Variants in CEP97 observed in about 807,000 individuals in gnomAD.
CEP97 encodes the protein centrosomal protein 97.
In CEP97, 43 loss-of-function variants were observed where a neutral mutation model predicts 73.1. That is an observed-to-expected ratio of 0.59 (90% confidence interval 0.46 to 0.76). The LOEUF is 0.76. Ranked by LOEUF, CEP97 falls within the 30% of genes least tolerant of loss-of-function variation. The probability of loss-of-function intolerance (pLI) is 0.00; values close to 1 mark genes in which losing one functional copy is unlikely to be tolerated. For missense variants in CEP97, 939 were observed against 1,014.0 expected, an observed-to-expected ratio of 0.93 and a Z score of 1.00; for synonymous variants, 337 against 370.0, an observed-to-expected ratio of 0.91 and a Z score of 1.02.
chr3:101,725,624 T>G (rs1937857261), intron 1 of CEP97, among the ~76,000 whole-genome samples: 1 of 152,148 alleles, frequency 6.6e-6, no homozygotes, highest in African/African-American at 2.4e-5. Context: ...CCTCACATGC[T>G]AAGAGCCATT....
At chr3:101,753,081 G>A (rs1938886851) in intron 6 of CEP97, among the ~76,000 whole-genome samples, 1 of 152,058 alleles carries the variant, frequency 6.6e-6, no homozygotes, top group South Asian at 2.1e-4. Flanking sequence ...TGGTGTGGAT[G>A]TCCTTTGTGT....
At chr3:101,754,019 C>T (rs544796875) in intron 6 of CEP97, among the ~76,000 whole-genome samples, 2 of 150,686 alleles carry the variant, frequency 1.3e-5, no homozygotes, top group African/African-American at 4.9e-5. Flanking sequence ...AGCTGTAGAC[C>T]GGAGCTGTTC....
intron 6 of CEP97, among the ~76,000 whole-genome samples, chr3:101,741,567 A>G (rs1938452248): frequency 6.6e-6 from 1 of 152,244 alleles, no homozygotes; most frequent in Admixed American, 6.5e-5. Flanking sequence ...AAACAAATTT[A>G]AAAGAAAAAA....
chr3:101,742,679 A>G (rs955296250), intron 6 of CEP97, among the ~76,000 whole-genome samples: 3 of 151,826 alleles, frequency 2.0e-5, no homozygotes, highest in African/African-American at 7.3e-5. Context: ...GCATGCGTAT[A>G]CCTATGTAAT....
chr3:101,762,861 T>G (rs1476804483), intron 10 of CEP97, among the ~76,000 whole-genome samples: 2 of 152,200 alleles, frequency 1.3e-5, no homozygotes, highest in Non-Finnish European at 2.9e-5. Context: ...AATTTGAAAT[T>G]TCATGTAGCT....
chr3:101,751,280 G>C lies in CEP97; in HGVS notation c.729-4150G>C, dbSNP rs575680907. 7.7e-4 allele frequency among the ~76,000 whole-genome samples: 117 copies of C among 152,304 alleles called. 1 individual carries two copies. Among genetic ancestry groups the C allele is most frequent in the African/African-American group, 2.7e-3 (112 of 41,548 alleles). On this transcript the variant is annotated intron_variant, in intron 6 of 10. Coordinates refer to ENST00000341893, the MANE Select transcript of CEP97 (RefSeq NM_024548.4). ...TGATTGCACTGTGGTCTGAGAGACA[G>C]TTTGTTATAATTTCTGTTCTTTTAC...
intron 2 of CEP97, 99 bp from the exon 3 acceptor site, chr3:101,727,282 TGA>T: frequency 2.2e-6 from 2 of 900,208 alleles, no homozygotes; most frequent in Non-Finnish European, 1.7e-6. Flanking sequence ...GGAGTTTGTT[TGA>T]GAGTGTTTGG....
chr3:101,742,071 CA>C (rs1330559559), intron 6 of CEP97, among the ~76,000 whole-genome samples: 2 of 147,466 alleles, frequency 1.4e-5, no homozygotes, highest in African/African-American at 5.0e-5. Context: ...AACAAAAAAA[CA>C]AAAAAAACAG....
chr3:101,746,934 A>G (rs1382763070), intron 6 of CEP97, among the ~76,000 whole-genome samples: 1 of 149,196 alleles, frequency 6.7e-6, no homozygotes, highest in Non-Finnish European at 1.5e-5. Context: ...AAAAATGCTC[A>G]CCATCACTGG....
rs565764573 is a variant in CEP97, at chr3:101,766,356, A to G, written c.*805A>G. ...CTCTCATTAAGTGCTTTTTCACCCT[A>G]TAGGTAAGCATTTTTGTGCCAACAT... On this transcript the variant is annotated 3_prime_UTR_variant, in exon 11 of 11. Coordinates refer to ENST00000341893, the MANE Select transcript of CEP97 (RefSeq NM_024548.4). 1 of 152,690 alleles carries G rather than the reference A, an allele frequency of 6.5e-6. No homozygotes were observed. Among genetic ancestry groups the G allele is most frequent in the Middle Eastern group, 3.4e-3 (1 of 294 alleles). The allele number at this position is 152,690 out of a possible 1,614,324, so 9.5% of individuals were successfully genotyped here.
chr3:101,766,639 A>T lies in CEP97; in HGVS notation c.*1088A>T, dbSNP rs569893335. 89 of 91,838 alleles carry T rather than the reference A, an allele frequency of 9.7e-4. No individual in the cohort carries two copies. The highest frequency in any genetic ancestry group is 5.0e-3 in the Middle Eastern group (1 of 200). The allele number at this position is 91,838 out of a possible 1,614,324, so 5.7% of individuals were successfully genotyped here. A position where few individuals can be genotyped will look rare whatever the true frequency, so the allele number is the denominator to read the frequency against. ...AACCTCACTTTACTTGTTAAAAGGG[A>T]TATATATATATATATATATGTCTGC... is the stretch of plus-strand genomic sequence containing the variant. On this transcript the variant is annotated 3_prime_UTR_variant, in exon 11 of 11. Transcript: ENST00000341893.
At chr3:101,746,223 C>T (rs1323857731) in intron 6 of CEP97, among the ~76,000 whole-genome samples, 1 of 152,168 alleles carries the variant, frequency 6.6e-6, no homozygotes, top group Non-Finnish European at 1.5e-5. Flanking sequence ...CATATGTGTG[C>T]ATGTGTCTTT....
At chr3:101,746,607 C>T (rs62284193) in intron 6 of CEP97, among the ~76,000 whole-genome samples, 1 of 151,242 alleles carries the variant, frequency 6.6e-6, no homozygotes, top group East Asian at 1.9e-4. Flanking sequence ...CCATTCAGGA[C>T]ATAGGCATGG....
At chr3:101,760,609 A>G (rs1269338029) in intron 9 of CEP97, among the ~76,000 whole-genome samples, 1 of 152,020 alleles carries the variant, frequency 6.6e-6, no homozygotes, top group African/African-American at 2.4e-5. Context: ...TGGCGTGATC[A>G]TAGCTCACTG....
At chr3:101,733,736 T>C (rs1054394010) in intron 6 of CEP97, among the ~76,000 whole-genome samples, 4 of 152,102 alleles carry the variant, frequency 2.6e-5, no homozygotes, top group South Asian at 4.1e-4. Flanking sequence ...TTCACCGTTT[T>C]AGCCGGTATG....
chr3:101,753,012 C>T (rs1938883921), intron 6 of CEP97, among the ~76,000 whole-genome samples: 1 of 152,080 alleles, frequency 6.6e-6, no homozygotes, highest in Non-Finnish European at 1.5e-5. Flanking sequence ...GTTTTTTCCC[C>T]ATCTTTGTGG....
chr3:101,750,968 T>C lies in CEP97; in HGVS notation c.729-4462T>C, dbSNP rs1938793508. On this transcript the variant is annotated intron_variant, in intron 6 of 10. Transcript: ENST00000341893. The stretch of plus-strand genomic sequence containing the variant: ...GCCTTCTGCTAGCTTTTGAATGTGT[T>C]TGCTCTTGCTTTTCTAGTTCTTTTA... Among the ~76,000 whole-genome samples the C allele has an allele frequency of 3.3e-5, 5 of 152,152 alleles. No individual in the cohort carries two copies. The South Asian group carries it at 8.3e-4, about 25-fold the overall frequency.
At chr3:101,761,057 G>C (rs1939159687) in intron 9 of CEP97, among the ~76,000 whole-genome samples, 1 of 151,626 alleles carries the variant, frequency 6.6e-6, no homozygotes, top group African/African-American at 2.4e-5. Context: ...AGTAAAGACA[G>C]GGTTTCACCA....
chr3:101,754,568 T>A (rs1938950905), intron 6 of CEP97, among the ~76,000 whole-genome samples: 1 of 152,174 alleles, frequency 6.6e-6, no homozygotes, highest in Non-Finnish European at 1.5e-5. Context: ...TGAGCAGTTC[T>A]TTCTTGGGGC....
Sources: allele counts gnomAD v4.1 joint callset (sites outside exome capture counted in the v4.1 genomes callset), GRCh38; gene constraint gnomAD v4.1.1; transcripts MANE v1.5; gene names NCBI Gene and HGNC (gene_info 2026-07-23, HGNC 2026-07-21).